The following UNKL variants were observed in gnomAD, a reference collection of about 807,000 sequenced individuals.
UNKL encodes the protein unk like zinc finger.
A neutral mutation model predicts 78.0 loss-of-function variants in UNKL; 60 were observed. The ratio of observed to expected loss-of-function variants is 0.77; its 90% CI spans 0.63 to 0.95. UNKL has a LOEUF of 0.95. Ranked by LOEUF, UNKL falls within the 40% of genes least tolerant of loss-of-function variation. The pLI is 0.00. For missense variants in UNKL, 1,159 were observed against 1,045.7 expected, an observed-to-expected ratio of 1.11 and a Z score of -1.49; for synonymous variants, 608 against 474.8, an observed-to-expected ratio of 1.28 and a Z score of -3.65.
intron 10 of UNKL, 127 bp downstream of exon 10, chr16:1,385,081 C>T (rs746802690): frequency 3.5e-5 from 26 of 742,638 alleles, no homozygotes; most frequent in Non-Finnish European, 4.6e-5. Flanking sequence ...ACTGAAAATA[C>T]GCGTCTGGCT....
At position 1,371,576 on chromosome 16, in the gene UNKL, T is replaced by C. The variant is rs1397677576; in HGVS notation, c.1300A>G (p.Ile434Val). 7.8e-6 allele frequency: 12 copies of C among 1,536,120 alleles called. No homozygotes were observed. The highest frequency in any genetic ancestry group is 2.0e-5 in the Admixed American group (1 of 50,996). ...ALDLHLSNVNIASLEKDLEEQ... is the reference protein window; with the variant it reads ...ALDLHLSNVNVASLEKDLEEQ... ...TCCAGGTCCTTCTCTAGGGATGCAATATTCACATTGCTAAGATGCAGGTCT... is the reference window on the plus strand; with the variant it reads ...TCCAGGTCCTTCTCTAGGGATGCAACATTCACATTGCTAAGATGCAGGTCT... Residue 434 changes from isoleucine (I) to valine (V), a missense_variant, in exon 11 of 15, where the codon ATT becomes GTT. By Grantham distance (29) the Ile-to-Val change is conservative. Coordinates refer to ENST00000389221, the MANE Select transcript of UNKL (RefSeq NM_001372107.1).
At chr16:1,366,973 C>T (rs968568103) in intron 14 of UNKL, 119 bp downstream of exon 14, 87 of 1,426,488 alleles carry the variant, frequency 6.1e-5, no homozygotes, top group East Asian at 5.8e-4. Context: ...TCCCTAGGCC[C>T]GGAGCAGACC....
intron 10 of UNKL, among the ~76,000 whole-genome samples, chr16:1,375,350 G>C (rs1027819927): frequency 1.3e-5 from 2 of 152,150 alleles, no homozygotes; most frequent in African/African-American, 4.8e-5. Context: ...GTGGACTCCA[G>C]AGGCCGCAAG....
chr16:1,363,306 T>TAGC lies in UNKL; in HGVS notation c.*2933_*2934insGCT. On this transcript the variant is annotated 3_prime_UTR_variant, in exon 15 of 15. Coordinates refer to ENST00000389221, the MANE Select transcript of UNKL (RefSeq NM_001372107.1). ...TATAGTGTAAAAAAATTTAAACAAG[T>TAGC]GTTAACTTTAAACAGTTCGCTACAA... 1 of 579,502 alleles carries TAGC rather than the reference T, an allele frequency of 1.7e-6. No homozygotes were observed. The highest frequency in any genetic ancestry group is 1.9e-5 in the South Asian group (1 of 51,822). 35.9% of individuals were successfully genotyped at this position (579,502 alleles called of 1,614,324 possible). A position where few individuals can be genotyped will look rare whatever the true frequency, so the allele number is the denominator to read the frequency against.
In UNKL at chr16:1,399,617, A is replaced by G. The variant is rs2037428909; in HGVS notation, c.599-108T>C. 27 of 1,502,136 alleles carry G rather than the reference A, an allele frequency of 1.8e-5. No homozygotes were observed. The South Asian group carries it at 3.1e-4, about 17-fold the overall frequency. The allele number at this position is 1,502,136 out of a possible 1,614,324, so 93.1% of individuals were successfully genotyped here. On this transcript the variant is annotated intron_variant, in intron 4 of 14. Transcript: ENST00000389221. This position sits in a 1 kb window ranked among gnomAD's most constrained non-coding sequence, Gnocchi z 5.8. ...CTGTCCCCCAAATGGAAGGGGCTGC[A>G]GGAGGACTTGGGGAGCGCAGACACA...
chr16:1,408,300 G>A (rs2037866607), intron 2 of UNKL, among the ~76,000 whole-genome samples: 1 of 152,210 alleles, frequency 6.6e-6, no homozygotes, highest in South Asian at 2.1e-4. Flanking sequence ...CACGGGGGCG[G>A]GGCTTCACAC....
At chr16:1,395,908 G>A (rs986939958) in intron 6 of UNKL, 4 of 394,464 alleles carry the variant, frequency 1.0e-5, no homozygotes, top group Admixed American at 8.1e-5. Context: ...AGCAGCGCCT[G>A]GTCCTTCCCA....
At chr16:1,367,999 G>A (rs953552643) in intron 12 of UNKL, 141 bp from the exon 13 acceptor site, 12 of 729,370 alleles carry the variant, frequency 1.6e-5, no homozygotes, top group Admixed American at 1.4e-4. Context: ...GTGCAGCCAC[G>A]CCTGCCCCTT....
At chr16:1,382,290 A>G (rs1039211434) in intron 10 of UNKL, among the ~76,000 whole-genome samples, 1 of 152,242 alleles carries the variant, frequency 6.6e-6, no homozygotes, top group Non-Finnish European at 1.5e-5. Flanking sequence ...CCGAGAGAAG[A>G]TGACTTCCAA....
intron 8 of UNKL, 72 bp from the exon 9 acceptor site, chr16:1,390,766 C>G (rs2037014423): frequency 2.0e-6 from 3 of 1,506,726 alleles, no homozygotes; most frequent in Non-Finnish European, 2.7e-6. Flanking sequence ...ACAATTCAGG[C>G]TGGGCACAGT....
rs2035256640 is a variant in UNKL, at chr16:1,366,399, C to G, written c.2047-4G>C. 2 of 1,583,716 alleles carry G rather than the reference C, an allele frequency of 1.3e-6. No homozygotes were observed. On this transcript the variant is annotated splice_polypyrimidine_tract_variant and splice_region_variant and intron_variant, in intron 14 of 14. Transcript: ENST00000389221. ...TGGCGCGGAGCTGGAAGATCACCTG[C>G]AGGGCCAGAACAATGACGGGCTCAG...
At chr16:1,382,857 C>G (rs2036654086) in intron 10 of UNKL, among the ~76,000 whole-genome samples, 1 of 152,024 alleles carries the variant, frequency 6.6e-6, no homozygotes, top group Admixed American at 6.6e-5. Flanking sequence ...ACTCAGGAGG[C>G]TGAGGCAGGA....
chr16:1,396,916 C>T, intron 6 of UNKL: 1 of 499,456 alleles, frequency 2.0e-6, no homozygotes, highest in South Asian at 2.3e-5. Context: ...GACATTTTCT[C>T]TCTGCTTTTT....
chr16:1,397,731 C>G (rs1183460605), intron 5 of UNKL, among the ~76,000 whole-genome samples: 2 of 57,256 alleles, frequency 3.5e-5, no homozygotes, highest in Non-Finnish European at 7.1e-5. Context: ...GGGCATGGAC[C>G]TGGGGATGAG....
chr16:1,371,694 A>AC (rs2035853321), intron 10 of UNKL, 83 bp from the exon 11 acceptor site: 1 of 1,416,308 alleles, frequency 7.1e-7, no homozygotes, highest in Non-Finnish European at 9.5e-7. Context: ...CGACCGTCCC[A>AC]CCTGGGCTTA....
Position 1,376,594 on chromosome 16 carries a change from T to C in UNKL, c.1265-4983A>G, listed in dbSNP as rs74002218. On this transcript the variant is annotated intron_variant, in intron 10 of 14. Transcript: ENST00000389221. Reference sequence around the variant, plus strand: ...GAGTGTCTGTCCAAGTTTCTTCTTATAGGGAGACTGGTCACTGGCTCAGGG... The same window carrying C: ...GAGTGTCTGTCCAAGTTTCTTCTTACAGGGAGACTGGTCACTGGCTCAGGG... Among the ~76,000 whole-genome samples, 1,452 of 152,202 alleles carry C rather than the reference T, an allele frequency of 9.5e-3. 29 individuals carry two copies. The highest frequency in any genetic ancestry group is 0.032 in the African/African-American group (1,346 of 41,524).
chr16:1,414,548 GC>G, intron 1 of UNKL, 66 bp downstream of exon 1: 1 of 658,772 alleles, frequency 1.5e-6, no homozygotes, highest in Non-Finnish European at 1.9e-6. Context: ...GGCGGCGCGA[GC>G]CCCGGCGGGA....
intron 6 of UNKL, chr16:1,395,702 G>A (rs1567227250): frequency 4.4e-6 from 2 of 456,452 alleles, no homozygotes; most frequent in Non-Finnish European, 8.8e-6. Flanking sequence ...TGCGGCTGTG[G>A]CCCACGTGGT....
intron 2 of UNKL, among the ~76,000 whole-genome samples, chr16:1,404,008 G>A (rs1322653574): frequency 6.6e-6 from 1 of 152,200 alleles, no homozygotes; most frequent in African/African-American, 2.4e-5. Context: ...CAGTGGAGAG[G>A]GGAAGCAGCT....
Sources: allele counts gnomAD v4.1 joint callset (sites outside exome capture counted in the v4.1 genomes callset), GRCh38; gene constraint gnomAD v4.1.1; non-coding constraint Gnocchi (gnomAD v3.1); transcripts MANE v1.5; gene names NCBI Gene and HGNC (gene_info 2026-07-23, HGNC 2026-07-21).